CNTNAP5: variants seen among roughly 807,000 people sequenced by gnomAD.
CNTNAP5 encodes contactin-associated protein-like 5.
A neutral mutation model predicts 150.2 loss-of-function variants in CNTNAP5; 72 were observed. The observed-to-expected ratio is 0.48, with a 90% CI of 0.40 to 0.58. The LOEUF is 0.58. Among genes scored for constraint, CNTNAP5 ranks in the 20% least tolerant of loss-of-function variants. CNTNAP5 has a pLI of 0.00. For synonymous variants in CNTNAP5, 672 were observed against 619.8 expected, an observed-to-expected ratio of 1.08 and a Z score of -1.25; for missense variants, 1,636 against 1,626.2, an observed-to-expected ratio of 1.01 and a Z score of -0.10.
intron 3 of CNTNAP5, among the ~76,000 whole-genome samples, chr2:124,243,623 A>G (rs546948084): frequency 6.6e-6 from 1 of 152,256 alleles, no homozygotes; most frequent in African/African-American, 2.4e-5. Context: ...ATACATGGAA[A>G]CAAAGAGGGG....
intron 13 of CNTNAP5, among the ~76,000 whole-genome samples, chr2:124,738,098 T>TC (rs1209120343): frequency 1.3e-5 from 2 of 152,150 alleles, no homozygotes; most frequent in African/African-American, 2.4e-5. Flanking sequence ...TGCTTTTCAT[T>TC]CATTATTTTT....
intron 19 of CNTNAP5, among the ~76,000 whole-genome samples, chr2:124,834,895 T>A (rs1049647657): frequency 6.6e-6 from 1 of 151,778 alleles, no homozygotes; most frequent in African/African-American, 2.4e-5. Flanking sequence ...ATAGATAGGC[T>A]AAGATTTCAT....
intron 13 of CNTNAP5, among the ~76,000 whole-genome samples, chr2:124,662,487 G>A (rs1433842426): frequency 5.3e-5 from 8 of 152,140 alleles, no homozygotes; most frequent in African/African-American, 1.9e-4. Context: ...CTGTATACAT[G>A]TATTTATATA....
At chr2:124,850,285 T>C (rs754964544) in intron 19 of CNTNAP5, among the ~76,000 whole-genome samples, 1 of 152,190 alleles carries the variant, frequency 6.6e-6, no homozygotes, top group Non-Finnish European at 1.5e-5. Flanking sequence ...TAAATTAAGT[T>C]AAAATGAAGT....
At chr2:124,227,119 C>A (rs534280316) in intron 2 of CNTNAP5, among the ~76,000 whole-genome samples, 33 of 152,220 alleles carry the variant, frequency 2.2e-4, no homozygotes, top group African/African-American at 7.7e-4. Context: ...AAAAAAGTAT[C>A]ATTTACTTTG....
intron 3 of CNTNAP5, among the ~76,000 whole-genome samples, chr2:124,312,071 A>C (rs1335227448): frequency 6.6e-6 from 1 of 152,194 alleles, no homozygotes; most frequent in Non-Finnish European, 1.5e-5. Context: ...AACAAACTCC[A>C]GACAACTCAA....
chr2:124,478,573 A>T (rs1341980338), intron 7 of CNTNAP5, among the ~76,000 whole-genome samples: 1 of 152,096 alleles, frequency 6.6e-6, no homozygotes, highest in East Asian at 1.9e-4. Context: ...CTCCTTTAGG[A>T]ATTTCTTACG....
intron 8 of CNTNAP5, among the ~76,000 whole-genome samples, chr2:124,506,457 A>G (rs1694409806): frequency 6.6e-6 from 1 of 152,124 alleles, no homozygotes; most frequent in Admixed American, 6.6e-5. Context: ...CATCACTCAC[A>G]TAGTTCAGAC....
At chr2:124,684,265 A>C (rs945463155) in intron 13 of CNTNAP5, among the ~76,000 whole-genome samples, 1 of 152,160 alleles carries the variant, frequency 6.6e-6, no homozygotes, top group African/African-American at 2.4e-5. Flanking sequence ...TCAATATCTG[A>C]ATATACACTC....
At chr2:124,846,609 G>T (rs538786116) in intron 19 of CNTNAP5, among the ~76,000 whole-genome samples, 61 of 152,240 alleles carry the variant, frequency 4.0e-4, no homozygotes, top group African/African-American at 1.4e-3. Context: ...TCCATTGCTG[G>T]TGAGCTGGTA....
At chr2:124,066,444 C>T (rs1338489366) in intron 1 of CNTNAP5, among the ~76,000 whole-genome samples, 1 of 151,904 alleles carries the variant, frequency 6.6e-6, no homozygotes, top group East Asian at 1.9e-4. Flanking sequence ...TAGTAATATC[C>T]CATTAGATCA....
intron 1 of CNTNAP5, among the ~76,000 whole-genome samples, chr2:124,186,352 CA>C (rs1295596760): frequency 6.6e-6 from 1 of 152,064 alleles, no homozygotes; most frequent in Non-Finnish European, 1.5e-5. Context: ...TAAAAATATA[CA>C]AATAAAATGT....
At chr2:124,830,619 A>ATT (rs1682694150) in intron 19 of CNTNAP5, among the ~76,000 whole-genome samples, 1 of 152,052 alleles carries the variant, frequency 6.6e-6, no homozygotes, top group Non-Finnish European at 1.5e-5. Context: ...GCTTTTAGTA[A>ATT]CAATATAGGA....
intron 14 of CNTNAP5, among the ~76,000 whole-genome samples, chr2:124,755,697 T>A (rs1414013254): frequency 6.6e-6 from 1 of 152,202 alleles, no homozygotes; most frequent in Non-Finnish European, 1.5e-5. Flanking sequence ...AGTGCCTTCA[T>A]CATGTAGCAG....
chr2:124,041,773 T>C (rs1179737079), intron 1 of CNTNAP5, among the ~76,000 whole-genome samples: 2 of 152,290 alleles, frequency 1.3e-5, no homozygotes, highest in African/African-American at 4.8e-5. Flanking sequence ...CAGATAATTA[T>C]GTAGCTCAAA....
At chr2:124,068,136 G>A (rs1031252849) in intron 1 of CNTNAP5, among the ~76,000 whole-genome samples, 4 of 149,426 alleles carry the variant, frequency 2.7e-5, no homozygotes, top group East Asian at 2.1e-4. Flanking sequence ...CAAACATCAG[G>A]CGAGAATCAC....
rs538448483 is a variant in CNTNAP5, at chr2:124,865,447, T to C, written c.3348+11T>C. ...GAGCTTACCATTCAGGTACCTTCCT[T>C]ACTTTCTCCTGCTTCAGCCAATGTG... On this transcript the variant is annotated intron_variant, in intron 20 of 23. Transcript: ENST00000682447. The C allele has an allele frequency of 1.7e-4, 264 of 1,551,064 alleles. 2 individuals carry two copies. The East Asian group carries it at 6.3e-3, about 37-fold the overall frequency.
intron 3 of CNTNAP5, among the ~76,000 whole-genome samples, chr2:124,273,525 C>G (rs1687808866): frequency 1.3e-5 from 2 of 152,078 alleles, no homozygotes; most frequent in African/African-American, 2.4e-5. Context: ...AGTTTCAGAC[C>G]AGAATCCCTA....
intron 12 of CNTNAP5, among the ~76,000 whole-genome samples, chr2:124,611,822 G>A (rs955376914): frequency 6.6e-6 from 1 of 152,188 alleles, no homozygotes; most frequent in Non-Finnish European, 1.5e-5. Flanking sequence ...TGGTATAATG[G>A]ACAGCAATTA....
Sources: allele counts gnomAD v4.1 joint callset (sites outside exome capture counted in the v4.1 genomes callset), GRCh38; gene constraint gnomAD v4.1.1; transcripts MANE v1.5; gene names NCBI Gene and HGNC (gene_info 2026-07-23, HGNC 2026-07-21).